PALS2: variants seen among roughly 807,000 people sequenced by gnomAD.
The protein encoded by PALS2 is protein associated with LIN7 2, MAGUK p55 family member, also known as protein PALS2.
Under a neutral mutation model 61.6 loss-of-function variants are expected in PALS2, and 27 were observed. The ratio of observed to expected loss-of-function variants is 0.44; its 90% CI spans 0.32 to 0.60. The LOEUF (loss-of-function observed/expected upper bound fraction) is 0.60. Among genes scored for constraint, PALS2 ranks in the 20% least tolerant of loss-of-function variants. The pLI, the probability that PALS2 is intolerant of heterozygous loss-of-function variation, is 0.05. For missense variants in PALS2, 554 were observed against 639.4 expected (o/e 0.87, Z 1.44); for synonymous variants, 236 against 218.6 (o/e 1.08, Z -0.70).
At chr7:24,592,619 C>G (rs78042800) in intron 1 of PALS2, among the ~76,000 whole-genome samples, 10,147 of 152,082 alleles carry the variant, frequency 0.067, 406 homozygotes, top group African/African-American at 0.11. Flanking sequence ...AGAGATATCA[C>G]GGGTTCAGTT....
intron 1 of PALS2, among the ~76,000 whole-genome samples, chr7:24,591,645 A>C (rs1484273423): frequency 6.6e-6 from 1 of 152,176 alleles, no homozygotes; most frequent in Non-Finnish European, 1.5e-5. Flanking sequence ...AAGTCTCTGC[A>C]AATGCAGAAT....
At chr7:24,587,667 A>G (rs1783124643) in intron 1 of PALS2, among the ~76,000 whole-genome samples, 1 of 151,868 alleles carries the variant, frequency 6.6e-6, no homozygotes, top group Non-Finnish European at 1.5e-5. Flanking sequence ...ATGAGCCACC[A>G]TGCTAAGTTT....
intron 1 of PALS2, among the ~76,000 whole-genome samples, chr7:24,579,613 C>G (rs540593574): frequency 6.6e-6 from 1 of 151,920 alleles, no homozygotes; most frequent in Non-Finnish European, 1.5e-5. Flanking sequence ...TATAAATCAC[C>G]GAGATTTTCC....
At chr7:24,642,491 T>C (rs1460526629) in intron 3 of PALS2, among the ~76,000 whole-genome samples, 1 of 152,056 alleles carries the variant, frequency 6.6e-6, no homozygotes, top group Non-Finnish European at 1.5e-5. Flanking sequence ...AATTAACTCA[T>C]TGAAAAGAAT....
At chr7:24,666,960 A>T (rs989197134) in intron 8 of PALS2, 5 of 152,164 alleles carry the variant, frequency 3.3e-5, no homozygotes, top group African/African-American at 4.8e-5. Context: ...TACTTTCTTG[A>T]CTTCAGAGCT....
At chr7:24,615,594 T>TA (rs201505894) in intron 1 of PALS2, among the ~76,000 whole-genome samples, 2,207 of 150,268 alleles carry the variant, frequency 0.015, 60 homozygotes, top group African/African-American at 0.043. Context: ...GAATCAGTAA[T>TA]AAAAAAAAAG....
chr7:24,619,661 T>C (rs1784419206), intron 1 of PALS2, among the ~76,000 whole-genome samples: 1 of 141,800 alleles, frequency 7.1e-6, no homozygotes, highest in Non-Finnish European at 1.5e-5. Context: ...GAGCTTGCAG[T>C]GAGCCGAGAT....
chr7:24,589,560 G>T (rs1380347207), intron 1 of PALS2, among the ~76,000 whole-genome samples: 1 of 152,144 alleles, frequency 6.6e-6, no homozygotes, highest in African/African-American at 2.4e-5. Context: ...CTACTTTTCT[G>T]AGTGTAGAAA....
intron 5 of PALS2, among the ~76,000 whole-genome samples, chr7:24,662,334 A>G (rs944902478): frequency 1.3e-5 from 2 of 152,246 alleles, no homozygotes; most frequent in African/African-American, 2.4e-5. Flanking sequence ...GAAGTATGAT[A>G]AACAAATAGA....
chr7:24,676,299 G>C (rs1480700504), intron 9 of PALS2, among the ~76,000 whole-genome samples: 4 of 151,346 alleles, frequency 2.6e-5, no homozygotes, highest in South Asian at 4.2e-4. Flanking sequence ...GAGTAGGTTG[G>C]GAAAATTTTC....
chr7:24,581,244 CGT>C (rs55768123), intron 1 of PALS2, among the ~76,000 whole-genome samples: 19,748 of 142,756 alleles, frequency 0.14, 1,311 homozygotes, highest in Middle Eastern at 0.21. Context: ...CATTTCCCCA[CGT>C]GTGTGTGTGT....
chr7:24,673,835 ACT>A (rs1356685242), intron 9 of PALS2, among the ~76,000 whole-genome samples: 4 of 148,514 alleles, frequency 2.7e-5, no homozygotes, highest in Admixed American at 6.7e-5. Flanking sequence ...GGTTTATTTT[ACT>A]CTCTGTTTTT....
intron 1 of PALS2, among the ~76,000 whole-genome samples, chr7:24,608,931 A>G (rs1223513118): frequency 6.6e-6 from 1 of 152,116 alleles, no homozygotes; most frequent in Non-Finnish European, 1.5e-5. Context: ...AAATTTGACA[A>G]TAATGTTTTT....
At chr7:24,624,007 G>A in intron 2 of PALS2, 1 of 1,200,556 alleles carries the variant, frequency 8.3e-7, no homozygotes, top group South Asian at 1.3e-5. Flanking sequence ...CTTAGTTTTG[G>A]CGTAATGCCT....
chr7:24,581,244 CGTGTGTGTGTGTGTGTGTGTGTGTGT>C (rs55768123), intron 1 of PALS2, among the ~76,000 whole-genome samples: 8 of 143,012 alleles, frequency 5.6e-5, no homozygotes, highest in South Asian at 2.4e-4. Flanking sequence ...CATTTCCCCA[CGTGTGTGTGTGTGTGTGTGTGTGTGT>C]GTGTGTGTGT....
Position 24,623,835 on chromosome 7 carries a change from A to T in PALS2, c.117+51A>T, listed in dbSNP as rs114671303. 1.4e-5 allele frequency: 18 copies of T among 1,332,134 alleles called. No homozygotes were observed. The African/African-American group carries it at 2.5e-4, about 19-fold the overall frequency. The allele number at this position is 1,332,134 out of a possible 1,614,324, so 82.5% of individuals were successfully genotyped here. A position where few individuals can be genotyped will look rare whatever the true frequency, so the allele number is the denominator to read the frequency against. On this transcript the variant is annotated intron_variant, in intron 2 of 11. Transcript: ENST00000222644. The stretch of plus-strand genomic sequence containing the variant: ...CTGAATTATTTTGGACTTAGTTTTT[A>T]TAGAGATATTTTCAGATATTACTAT...
intron 1 of PALS2, among the ~76,000 whole-genome samples, chr7:24,615,147 T>C (rs75083086): frequency 0.039 from 5,926 of 151,888 alleles, 156 homozygotes; most frequent in Non-Finnish European, 0.058. Flanking sequence ...AAAGCAGTAG[T>C]AAGATACTAG....
chr7:24,649,765 G>T lies in PALS2; in HGVS notation c.423+1G>T. 2 of 1,601,432 alleles carry T rather than the reference G, an allele frequency of 1.2e-6. No homozygotes were observed. The highest frequency in any genetic ancestry group is 1.7e-5 in the Admixed American group (1 of 58,578). On this transcript the variant is annotated splice_donor_variant, in intron 4 of 11. Coordinates refer to ENST00000222644, the MANE Select transcript of PALS2 (RefSeq NM_001303037.2). LOFTEE classifies it high-confidence loss of function. ...TCACAAAAGAGCTGGGGAACCACTGGTGAGTACAGATAAATCAGTACCCTA... is the reference window on the plus strand; with the variant it reads ...TCACAAAAGAGCTGGGGAACCACTGTTGAGTACAGATAAATCAGTACCCTA...
intron 11 of PALS2, among the ~76,000 whole-genome samples, chr7:24,684,066 C>G (rs1016764504): frequency 6.6e-6 from 1 of 152,114 alleles, no homozygotes; most frequent in African/African-American, 2.4e-5. Context: ...CTAGGTCTTT[C>G]TGTCTTTAGA....
Sources: allele counts gnomAD v4.1 joint callset (sites outside exome capture counted in the v4.1 genomes callset), GRCh38; gene constraint gnomAD v4.1.1; transcripts MANE v1.5; gene names NCBI Gene and HGNC (gene_info 2026-07-23, HGNC 2026-07-21).